Variants in CLIC4 observed in about 807,000 individuals in gnomAD.
The protein encoded by CLIC4 is CLIC family member 4, also known as chloride intracellular channel protein 4.
CLIC4 carries 13 observed loss-of-function variants against 24.6 expected under a neutral mutation model. The ratio of observed to expected loss-of-function variants is 0.53; its 90% CI spans 0.34 to 0.84. CLIC4 has a LOEUF of 0.84. Among genes scored for constraint, CLIC4 ranks in the 40% least tolerant of loss-of-function variants. The probability of loss-of-function intolerance (pLI) is 0.01; values close to 1 mark genes in which losing one functional copy is unlikely to be tolerated. For synonymous variants in CLIC4, 104 were observed against 111.3 expected, an observed-to-expected ratio of 0.93 and a Z score of 0.41; for missense variants, 227 against 301.7, an observed-to-expected ratio of 0.75 and a Z score of 1.83.
intron 1 of CLIC4, among the ~76,000 whole-genome samples, chr1:24,771,100 T>C (rs1340812155): frequency 2.0e-5 from 3 of 152,182 alleles, no homozygotes; most frequent in Admixed American, 1.3e-4. Context: ...CTCAAGCCCT[T>C]ACGAACGTGC....
intron 1 of CLIC4, among the ~76,000 whole-genome samples, chr1:24,767,003 C>T (rs1571233935): frequency 2.5e-5 from 1 of 40,198 alleles, no homozygotes; most frequent in African/African-American, 1.3e-4. Context: ...ACAAAAAATA[C>T]ACTAACAATA....
At chr1:24,840,101 G>T in intron 5 of CLIC4, 60 bp downstream of exon 5, 1 of 1,473,578 alleles carries the variant, frequency 6.8e-7, no homozygotes, top group South Asian at 1.3e-5. Flanking sequence ...TACTAAAGTG[G>T]CATTTCCTTT....
At chr1:24,810,952 G>A (rs578028992) in intron 2 of CLIC4, among the ~76,000 whole-genome samples, 2 of 151,912 alleles carry the variant, frequency 1.3e-5, no homozygotes, top group African/African-American at 2.4e-5. Context: ...CTTGGTGTGC[G>A]CCTGTAGTCC....
At chr1:24,810,143 A>G (rs901180961) in intron 2 of CLIC4, among the ~76,000 whole-genome samples, 4 of 152,268 alleles carry the variant, frequency 2.6e-5, no homozygotes, top group Admixed American at 2.0e-4. Context: ...CAATGTGGAC[A>G]TTTTCTTCCC....
intron 1 of CLIC4, among the ~76,000 whole-genome samples, chr1:24,752,797 A>ACTGCAACCTCTG (rs1638792985): frequency 6.6e-6 from 1 of 152,176 alleles, no homozygotes; most frequent in South Asian, 2.1e-4. Context: ...ATCTTGGCTC[A>ACTGCAACCTCTG]CTGCAACCTC....
intron 1 of CLIC4, among the ~76,000 whole-genome samples, chr1:24,772,801 T>C (rs972074973): frequency 6.6e-6 from 1 of 152,190 alleles, no homozygotes; most frequent in African/African-American, 2.4e-5. Flanking sequence ...TAATATATTT[T>C]AATGAACATT....
In CLIC4 at chr1:24,814,223, A is replaced by C. The variant is rs1639645978; in HGVS notation, c.308+4A>C. ...AAGAAGTCTTATGCCCTCCCAAGTGAGTATCAAGGAAAATACGTATGAAAA... is the reference window on the plus strand; with the variant it reads ...AAGAAGTCTTATGCCCTCCCAAGTGCGTATCAAGGAAAATACGTATGAAAA... On this transcript the variant is annotated splice_donor_region_variant and intron_variant, in intron 3 of 5. Coordinates refer to ENST00000374379, the MANE Select transcript of CLIC4 (RefSeq NM_013943.3). 1 of 1,607,646 alleles carries C rather than the reference A, an allele frequency of 6.2e-7. No homozygotes were observed. Among genetic ancestry groups the C allele is most frequent in the Non-Finnish European group, 8.5e-7 (1 of 1,178,048 alleles).
At chr1:24,758,324 C>A (rs1437544781) in intron 1 of CLIC4, among the ~76,000 whole-genome samples, 1 of 135,926 alleles carries the variant, frequency 7.4e-6, no homozygotes, top group Non-Finnish European at 1.6e-5. Context: ...TTTTTTTTTT[C>A]CTCGTTCTTT....
chr1:24,819,122 G>A (rs781063095), intron 3 of CLIC4, among the ~76,000 whole-genome samples: 52 of 152,042 alleles, frequency 3.4e-4, no homozygotes, highest in Non-Finnish European at 7.2e-4. Flanking sequence ...CTTGTGCTAA[G>A]CCTAATATTT....
chr1:24,840,065 G>T lies in CLIC4; in HGVS notation c.597+24G>T, dbSNP rs199957869. 5 of 1,601,194 alleles carry T rather than the reference G, an allele frequency of 3.1e-6. No homozygotes were observed. The South Asian group carries it at 4.4e-5, about 14-fold the overall frequency. On this transcript the variant is annotated intron_variant, in intron 5 of 5. Transcript: ENST00000374379. Reference sequence around the variant, plus strand: ...AGGTAGGTCTGTAGGGGTTGATGTCGCATTGCCATTACCTTGTATTGTATT... The same window carrying T: ...AGGTAGGTCTGTAGGGGTTGATGTCTCATTGCCATTACCTTGTATTGTATT...
chr1:24,801,097 T>C (rs775628404), intron 2 of CLIC4, among the ~76,000 whole-genome samples: 1 of 151,882 alleles, frequency 6.6e-6, no homozygotes, highest in Non-Finnish European at 1.5e-5. Flanking sequence ...AGAATAGTTG[T>C]ATTAATGGGA....
chr1:24,790,313 C>T (rs955647225), intron 1 of CLIC4, among the ~76,000 whole-genome samples: 1 of 152,226 alleles, frequency 6.6e-6, no homozygotes, highest in African/African-American at 2.4e-5. Flanking sequence ...CTCAGGTGAT[C>T]TGCCTGCCTT....
At chr1:24,830,747 A>C (rs547122464) in intron 4 of CLIC4, among the ~76,000 whole-genome samples, 22 of 152,284 alleles carry the variant, frequency 1.4e-4, no homozygotes, top group African/African-American at 4.6e-4. Flanking sequence ...GTTGCACTTA[A>C]AAATTTTTTG....
intron 3 of CLIC4, among the ~76,000 whole-genome samples, chr1:24,824,075 A>G (rs1411443062): frequency 6.6e-6 from 1 of 152,226 alleles, no homozygotes; most frequent in East Asian, 1.9e-4. Flanking sequence ...CCATTGCTTG[A>G]TCAAGCTATT....
intron 2 of CLIC4, among the ~76,000 whole-genome samples, chr1:24,813,380 ATTTT>A: frequency 6.6e-6 from 1 of 150,416 alleles, no homozygotes; most frequent in East Asian, 2.0e-4. Context: ...TATACTTTAA[ATTTT>A]AGAACCACTT....
At chr1:24,767,270 T>C (rs1433499190) in intron 1 of CLIC4, among the ~76,000 whole-genome samples, 1 of 152,116 alleles carries the variant, frequency 6.6e-6, no homozygotes, top group Admixed American at 6.5e-5. Flanking sequence ...CCCACTGGGG[T>C]AATCTTGGGC....
intron 3 of CLIC4, among the ~76,000 whole-genome samples, chr1:24,823,441 G>T (rs1639754145): frequency 6.6e-6 from 1 of 152,130 alleles, no homozygotes; most frequent in Admixed American, 6.5e-5. Flanking sequence ...GATAAATTTG[G>T]AGGGGCATGC....
chr1:24,777,891 A>C (rs890027904), intron 1 of CLIC4: 28 of 152,246 alleles, frequency 1.8e-4, no homozygotes, highest in Admixed American at 6.5e-5. Flanking sequence ...GGAATGCTTC[A>C]CAAATTTGTG....
chr1:24,778,076 T>C (rs1189407586), intron 1 of CLIC4: 1 of 152,236 alleles, frequency 6.6e-6, no homozygotes, highest in Non-Finnish European at 1.5e-5. Context: ...TCTTACTTGA[T>C]AGTAGTGTCT....
Sources: allele counts gnomAD v4.1 joint callset (sites outside exome capture counted in the v4.1 genomes callset), GRCh38; gene constraint gnomAD v4.1.1; transcripts MANE v1.5; gene names NCBI Gene and HGNC (gene_info 2026-07-23, HGNC 2026-07-21).